Variants in MCM10 observed in about 807,000 individuals in gnomAD.
The protein encoded by MCM10 is protein MCM10 homolog.
In MCM10, 91 loss-of-function variants were observed where a neutral mutation model predicts 109.9. The ratio of observed to expected loss-of-function variants is 0.83; its 90% CI spans 0.70 to 0.99. The LOEUF is 0.99. Ranked by LOEUF, MCM10 falls within the 50% of genes least tolerant of loss-of-function variation. The pLI, the probability that MCM10 is intolerant of heterozygous loss-of-function variation, is 0.00. For missense variants in MCM10, 1,077 were observed against 1,061.2 expected (o/e 1.01, Z -0.21); for synonymous variants, 380 against 387.2 (o/e 0.98, Z 0.22).
chr10:13,177,389 A>C (rs1330302467), intron 6 of MCM10, among the ~76,000 whole-genome samples: 1 of 152,152 alleles, frequency 6.6e-6, no homozygotes, highest in Non-Finnish European at 1.5e-5. Context: ...GGATTCTGGA[A>C]TATTTACATT....
chr10:13,178,150 G>A (rs1260268413), intron 6 of MCM10, among the ~76,000 whole-genome samples: 2 of 152,130 alleles, frequency 1.3e-5, no homozygotes, highest in Non-Finnish European at 2.9e-5. Context: ...CTGTAGTACA[G>A]TATCGTGATC....
Position 13,175,659 on chromosome 10 carries a change from G to A in MCM10, c.742G>A (p.Ala248Thr). Residue 248 changes from alanine to threonine, a missense_variant, in exon 6 of 20, where the codon GCC becomes ACC. Ala to Thr is a moderately conservative substitution (Grantham distance 58). Coordinates refer to ENST00000378714, the MANE Select transcript of MCM10 (RefSeq NM_018518.5). ...AACGACTCAACCCATCTGTGTGGAA[G>A]CCTTCTCTGGTCTGCGGCTCAGGTC... ...GETTQPICVEAFSGLRLRRPR... is the reference protein window; with the variant it reads ...GETTQPICVETFSGLRLRRPR... The A allele has an allele frequency of 1.2e-6, 2 of 1,609,484 alleles. No homozygotes were observed. The highest frequency in any genetic ancestry group is 2.7e-5 in the African/African-American group (2 of 74,842).
chr10:13,202,615 G>A (rs1164796980), intron 17 of MCM10, among the ~76,000 whole-genome samples: 1 of 152,112 alleles, frequency 6.6e-6, no homozygotes, highest in Non-Finnish European at 1.5e-5. Flanking sequence ...CTGTCTTGGG[G>A]CATAAGTAAA....
chr10:13,186,217 T>G lies in MCM10; in HGVS notation c.1152T>G (p.Leu384=), dbSNP rs959111012. ...PQKVLIMGEA[L]DLGTCKAKKK... is the part of the protein sequence containing the mutation. ...AGGTCTTAATTATGGGTGAAGCTCT[T>G]GACCTGGGAACCTGTAAAGCCAAGA... Residue 384 remains leucine (L), a synonymous_variant, in exon 9 of 20, where the codon CTT becomes CTG. Transcript: ENST00000378714. The G allele has an allele frequency of 3.1e-6, 5 of 1,613,460 alleles. No homozygotes were observed. The Admixed American group carries it at 8.3e-5, about 27-fold the overall frequency.
intron 3 of MCM10, among the ~76,000 whole-genome samples, chr10:13,171,581 A>C (rs1378808561): frequency 6.6e-6 from 1 of 152,144 alleles, no homozygotes; most frequent in Non-Finnish European, 1.5e-5. Context: ...CAAGGTTGCA[A>C]AGCTGCCACA....
At chr10:13,188,312 A>G (rs1049908015) in intron 9 of MCM10, among the ~76,000 whole-genome samples, 1 of 152,148 alleles carries the variant, frequency 6.6e-6, no homozygotes, top group African/African-American at 2.4e-5. Context: ...ATTATTTTTT[A>G]TTGGGTCAAA....
chr10:13,166,986 T>TTAA (rs1205406743), intron 2 of MCM10, among the ~76,000 whole-genome samples: 31 of 151,192 alleles, frequency 2.1e-4, no homozygotes, highest in Admixed American at 2.0e-3. Flanking sequence ...AAAAAAATAT[T>TTAA]TAATAAGCTG....
chr10:13,171,677 T>C (rs1834075441), intron 3 of MCM10, among the ~76,000 whole-genome samples: 1 of 152,224 alleles, frequency 6.6e-6, no homozygotes, highest in African/African-American at 2.4e-5. Context: ...GTTTAAGCTA[T>C]AGTAAAATTC....
In MCM10 at chr10:13,192,378, G is replaced by T. The variant is rs1219862668; in HGVS notation, c.1627+13G>T. 1 of 1,613,394 alleles carries T rather than the reference G, an allele frequency of 6.2e-7. No individual in the cohort carries two copies. The highest frequency in any genetic ancestry group is 8.5e-7 in the Non-Finnish European group (1 of 1,179,358). On this transcript the variant is annotated intron_variant, in intron 12 of 19. Transcript: ENST00000378714. ...GCCACAGCTTCAGGTACCATCAGCT[G>T]CATGGCCACACGTGTGTCCCTGTGT...
intron 2 of MCM10, among the ~76,000 whole-genome samples, chr10:13,170,252 A>G (rs1182082558): frequency 6.6e-6 from 1 of 152,218 alleles, no homozygotes; most frequent in East Asian, 1.9e-4. Flanking sequence ...TTGGCATGAC[A>G]GACTTCATCT....
intron 2 of MCM10, among the ~76,000 whole-genome samples, chr10:13,170,698 G>GT (rs138889842): frequency 0.083 from 12,672 of 152,050 alleles, 723 homozygotes; most frequent in Non-Finnish European, 0.12. Context: ...TTGTTTGTTT[G>GT]TTTTTTTAGT....
chr10:13,207,123 G>A (rs1834592642), intron 18 of MCM10, among the ~76,000 whole-genome samples: 1 of 152,176 alleles, frequency 6.6e-6, no homozygotes, highest in East Asian at 1.9e-4. Flanking sequence ...ATCTAGAACA[G>A]AAGGCAGCAC....
intron 18 of MCM10, among the ~76,000 whole-genome samples, chr10:13,207,595 T>C (rs1465169532): frequency 6.6e-6 from 1 of 152,148 alleles, no homozygotes; most frequent in Non-Finnish European, 1.5e-5. Flanking sequence ...TGGGAGGTAA[T>C]TGAATCATGG....
intron 7 of MCM10, among the ~76,000 whole-genome samples, chr10:13,181,350 G>A (rs373536641): frequency 6.6e-5 from 10 of 152,078 alleles, no homozygotes; most frequent in Admixed American, 2.6e-4. Flanking sequence ...TTGGTTTTTC[G>A]TTAGAGCTGA....
chr10:13,177,525 TTTTTTTA>T (rs1457602318), intron 6 of MCM10, among the ~76,000 whole-genome samples: 3 of 148,668 alleles, frequency 2.0e-5, no homozygotes, highest in Admixed American at 6.7e-5. Context: ...TTTTTTTTTT[TTTTTTTA>T]ATCTATTAAC....
chr10:13,203,708 T>G (rs1834530596), intron 17 of MCM10, among the ~76,000 whole-genome samples: 1 of 152,152 alleles, frequency 6.6e-6, no homozygotes, highest in African/African-American at 2.4e-5. Context: ...GGATCGGAAT[T>G]AAAAGTGAAT....
At chr10:13,194,262 C>T (rs1240042492) in intron 13 of MCM10, among the ~76,000 whole-genome samples, 2 of 152,148 alleles carry the variant, frequency 1.3e-5, no homozygotes, top group Admixed American at 6.5e-5. Context: ...ACTCGGGAGG[C>T]TGAGGTGGGA....
chr10:13,169,243 A>C (rs1457214196), intron 2 of MCM10, among the ~76,000 whole-genome samples: 1 of 152,198 alleles, frequency 6.6e-6, no homozygotes, highest in Non-Finnish European at 1.5e-5. Context: ...CTCGTCTATG[A>C]AACCCCATGC....
At chr10:13,201,352 C>A in intron 16 of MCM10, 69 bp from the exon 17 acceptor site, 1 of 902,974 alleles carries the variant, frequency 1.1e-6, no homozygotes, top group Non-Finnish European at 1.8e-6. Flanking sequence ...CATCGAGTTA[C>A]TCTTACTGTG....
Sources: allele counts gnomAD v4.1 joint callset (sites outside exome capture counted in the v4.1 genomes callset), GRCh38; gene constraint gnomAD v4.1.1; transcripts MANE v1.5; gene names NCBI Gene and HGNC (gene_info 2026-07-23, HGNC 2026-07-21).